CTBP1: variants seen among roughly 807,000 people sequenced by gnomAD.
The protein encoded by CTBP1 is C-terminal binding protein 1.
Under a neutral mutation model 42.1 loss-of-function variants are expected in CTBP1, and 11 were observed. The observed-to-expected ratio is 0.26, with a 90% CI of 0.16 to 0.43. The LOEUF (loss-of-function observed/expected upper bound fraction) is 0.43, where lower values mean the gene tolerates loss of function less well. CTBP1 is among the 20% of genes least tolerant of loss of function. The pLI is 1.00. For synonymous variants in CTBP1, 324 were observed against 277.1 expected (o/e 1.17, Z -1.68); for missense variants, 399 against 624.3 (o/e 0.64, Z 3.85).
At position 1,211,650 on chromosome 4, in the gene CTBP1, G is replaced by A. The variant is rs1399290585; in HGVS notation, c.*590C>T. On this transcript the variant is annotated 3_prime_UTR_variant, in exon 10 of 10. Transcript: ENST00000382952. ...GGCACCGCCCAAGCTTTTCCTTTTG[G>A]AGCTGCTTCGTGATGCCGTCTTCAT... The A allele has an allele frequency of 6.6e-6, 1 of 152,372 alleles. No homozygotes were observed. The highest frequency in any genetic ancestry group is 1.5e-5 in the Non-Finnish European group (1 of 68,034). 9.4% of individuals were successfully genotyped at this position (152,372 alleles called of 1,614,324 possible).
chr4:1,214,367 T>G lies in CTBP1; in HGVS notation c.836A>C (p.Asp279Ala). 1 of 1,567,158 alleles carries G rather than the reference T, an allele frequency of 6.4e-7. No homozygotes were observed. The highest frequency in any genetic ancestry group is 8.6e-7 in the Non-Finnish European group (1 of 1,162,540). ...CCTGAAGGGTTCCGACTCGTGCACA[T>G]CCAGGGCCGCGCCGCGGATCCGGCC... ...KEGRIRGAALDVHESEPFSFS... is the reference protein window; with the variant it reads ...KEGRIRGAALAVHESEPFSFS... The change falls in exon 7 of 10, where the codon GAT becomes GCT. Residue 279 changes from aspartate to alanine, a missense_variant. Around this residue, in one of 4 missense-constraint regions of CTBP1, gnomAD observed 309 missense variants for 497.5 expected, o/e 0.62. Transcript: ENST00000382952.
Position 1,239,485 on chromosome 4 carries a change from G to A in CTBP1, c.8-1148C>T, listed in dbSNP as rs969048940. Among the ~76,000 whole-genome samples the A allele has an allele frequency of 4.6e-5, 7 of 152,216 alleles. No homozygotes were observed. In the East Asian group the frequency reaches 7.7e-4, roughly 17 times the overall value. ...CTCCAGTGGCCGCGGCCACAAGCAC[G>A]CTCGGCCCAGTCTCCCGCCCCATCC... On this transcript the variant is annotated intron_variant, in intron 2 of 9. Transcript: ENST00000382952.
intron 4 of CTBP1, among the ~76,000 whole-genome samples, chr4:1,227,579 C>T (rs1056185392): frequency 4.9e-5 from 7 of 142,262 alleles, no homozygotes; most frequent in Admixed American, 2.8e-4. Flanking sequence ...GCTGAGTGTG[C>T]GTGATCCGTG....
At chr4:1,229,336 A>G (rs35376712) in intron 3 of CTBP1, among the ~76,000 whole-genome samples, 42,250 of 152,268 alleles carry the variant, frequency 0.28, 7,204 homozygotes, top group Middle Eastern at 0.41. Flanking sequence ...ACTCCCGTGC[A>G]TGACAACGCC....
chr4:1,245,754 G>A (rs886905813), intron 1 of CTBP1, among the ~76,000 whole-genome samples: 4 of 152,072 alleles, frequency 2.6e-5, no homozygotes, highest in Non-Finnish European at 5.9e-5. Context: ...AGGGTAGCAC[G>A]GGTAGGCAGG....
chr4:1,249,014 C>T lies in CTBP1; in HGVS notation c.-287G>A. 3.4e-6 allele frequency: 3 copies of T among 878,470 alleles called. No homozygotes were observed. Among genetic ancestry groups the T allele is most frequent in the Non-Finnish European group, 4.1e-6 (3 of 735,422 alleles). 54.4% of individuals were successfully genotyped at this position (878,470 alleles called of 1,614,324 possible). ...TCCGGCGCGCTGCGCCGCCGCGAGC[C>T]CGGCGCGTGGGGCGGCCTCGGCGCC... On this transcript the variant is annotated 5_prime_UTR_variant, in exon 1 of 10. Transcript: ENST00000382952.
At position 1,225,520 on chromosome 4, in the gene CTBP1, G is replaced by A. The variant is rs771867667; in HGVS notation, c.354C>T (p.Ala118=). The A allele has an allele frequency of 6.5e-6, 10 of 1,544,526 alleles. No individual in the cohort carries two copies. In the Middle Eastern group the frequency reaches 5.0e-4, roughly 77 times the overall value. The part of the protein sequence containing the change: ...NVPAASVEET[A]DSTLCHILNL... ...TCAGGATGTGGCACAGCGTCGAGTC[G>A]GCCGTCTCCTCCACAGACGCCGCGG... The change falls in exon 5 of 10, where the codon GCC becomes GCT. Residue 118 remains alanine, a synonymous_variant. Transcript: ENST00000382952.
At position 1,221,734 on chromosome 4, in the gene CTBP1, C is replaced by T. The variant is rs544970675; in HGVS notation, c.514+3626G>A. ...CCTCGCAGGGTCGTCGCGGGGCCGC[C>T]ACGGGAGAAGGGGGCCCGAGGGAGC... is the stretch of plus-strand genomic sequence containing the variant. On this transcript the variant is annotated intron_variant, in intron 5 of 9. Transcript: ENST00000382952. 459 of 390,450 alleles carry T rather than the reference C, an allele frequency of 1.2e-3. 11 individuals are homozygous for T. The highest frequency in any genetic ancestry group is 8.2e-3 in the South Asian group (446 of 54,576). The allele number at this position is 390,450 out of a possible 1,614,324, so 24.2% of individuals were successfully genotyped here.
Position 1,248,932 on chromosome 4 carries a change from G to C in CTBP1, c.-205C>G, listed in dbSNP as rs1458035918. On this transcript the variant is annotated 5_prime_UTR_variant, in exon 1 of 10. Coordinates refer to ENST00000382952, the MANE Select transcript of CTBP1 (RefSeq NM_001012614.2). ...CGGCCTTACCAAGCGGCAGGCCCTT[G>C]TTGAGCAAGTGCGAGCTGCCCATCG... 2.7e-5 allele frequency: 27 copies of C among 1,011,980 alleles called. No individual in the cohort carries two copies. The highest frequency in any genetic ancestry group is 3.1e-5 in the Non-Finnish European group (26 of 841,284). The allele number at this position is 1,011,980 out of a possible 1,614,324, so 62.7% of individuals were successfully genotyped here. A position where few individuals can be genotyped will look rare whatever the true frequency, so the allele number is the denominator to read the frequency against.
chr4:1,245,211 T>G, intron 1 of CTBP1: 3 of 985,420 alleles, frequency 3.0e-6, no homozygotes, highest in Non-Finnish European at 2.4e-6. Flanking sequence ...CCACGGGGCC[T>G]GCAGGGCCGC....
intron 5 of CTBP1, chr4:1,221,697 C>A: frequency 3.0e-6 from 1 of 337,832 alleles, no homozygotes; most frequent in Non-Finnish European, 5.9e-6. Flanking sequence ...CTCTAGGAAG[C>A]GGGACCCGGG....
intron 3 of CTBP1, chr4:1,236,334 A>G: frequency 2.5e-6 from 1 of 405,648 alleles, no homozygotes; most frequent in Non-Finnish European, 4.5e-6. Flanking sequence ...AACAAGAATC[A>G]GGAAAGCTGC....
At chr4:1,247,988 G>C in intron 1 of CTBP1, among the ~76,000 whole-genome samples, 1 of 152,254 alleles carries the variant, frequency 6.6e-6, no homozygotes, top group Non-Finnish European at 1.5e-5. Context: ...TCCAGACACC[G>C]GCGCCCTTGG....
chr4:1,244,781 C>A (rs1298266884), intron 1 of CTBP1: 1 of 985,412 alleles, frequency 1.0e-6, no homozygotes, highest in Non-Finnish European at 1.2e-6. Flanking sequence ...CGTGAGTCCC[C>A]GGCAGCCATC....
At chr4:1,248,793 T>C (rs937374433) in intron 1 of CTBP1, 123 bp downstream of exon 1, 3 of 942,570 alleles carry the variant, frequency 3.2e-6, no homozygotes, top group East Asian at 1.2e-4. Flanking sequence ...GCACGCGCAC[T>C]CGCACACAAA....
At chr4:1,226,619 T>A (rs769483843) in intron 4 of CTBP1, among the ~76,000 whole-genome samples, 4 of 147,210 alleles carry the variant, frequency 2.7e-5, no homozygotes, top group Non-Finnish European at 4.5e-5. Flanking sequence ...CCCCAGACCA[T>A]CCCTGGCTGA....
At chr4:1,245,561 AG>A in intron 1 of CTBP1, 1 of 980,302 alleles carries the variant, frequency 1.0e-6, no homozygotes, top group Non-Finnish European at 1.2e-6. Context: ...AGGGTGGCAC[AG>A]GAGGGCACGG....
intron 3 of CTBP1, chr4:1,237,336 T>G (rs1256100288): frequency 1.5e-6 from 1 of 667,800 alleles, no homozygotes; most frequent in African/African-American, 1.9e-5. Context: ...AGTGTCCACC[T>G]CCTGATGGGG....
At chr4:1,223,753 C>A (rs1269884079) in intron 5 of CTBP1, among the ~76,000 whole-genome samples, 1 of 152,144 alleles carries the variant, frequency 6.6e-6, no homozygotes, top group Non-Finnish European at 1.5e-5. Context: ...GGGCCCCTCA[C>A]CTGGCCTCTC....
Sources: gnomAD v4.1 joint callset for allele counts (sites outside exome capture counted in the v4.1 genomes callset) on GRCh38, gnomAD v4.1.1 for gene constraint, gnomAD v4.1.1 regional missense constraint, MANE v1.5 for transcripts, NCBI Gene and HGNC (gene_info 2026-07-23, HGNC 2026-07-21) for gene names.